PDE11A: variants seen among roughly 807,000 people sequenced by gnomAD.
The protein encoded by PDE11A is dual 3',5'-cyclic-AMP and -GMP phosphodiesterase 11A.
Under a neutral mutation model 100.5 loss-of-function variants are expected in PDE11A, and 100 were observed. The observed-to-expected ratio is 1.00, with a 90% CI of 0.85 to 1.18. The LOEUF (loss-of-function observed/expected upper bound fraction) is 1.18, where lower values mean the gene tolerates loss of function less well. Ranked by LOEUF, PDE11A falls within the 50% of genes most tolerant of loss-of-function variation. The pLI, the probability that PDE11A is intolerant of heterozygous loss-of-function variation, is 0.00. For synonymous variants in PDE11A, 381 were observed against 420.8 expected (o/e 0.91, Z 1.16); for missense variants, 1,141 against 1,152.6 (o/e 0.99, Z 0.15).
chr2:177,888,955 T>A (rs147456326), intron 4 of PDE11A, among the ~76,000 whole-genome samples: 2 of 152,322 alleles, frequency 1.3e-5, no homozygotes, highest in East Asian at 3.9e-4. Flanking sequence ...TATGCTCCAC[T>A]GTTTTTAGCC....
Position 177,758,315 on chromosome 2 carries a change from A to T in PDE11A, c.1788+11008T>A, listed in dbSNP as rs57805449. 3.8e-3 allele frequency among the ~76,000 whole-genome samples: 576 copies of T among 151,862 alleles called. 25 individuals are homozygous for T. In the East Asian group the frequency reaches 0.081, roughly 21 times the overall value. On this transcript the variant is annotated intron_variant, in intron 10 of 19. Transcript: ENST00000286063. The stretch of plus-strand genomic sequence containing the variant: ...CCGTCTCAAAAAAAAAAAAAAAAAA[A>T]AAAAGAATATTCAAAGAACATTCTC...
In PDE11A at chr2:177,820,245, A is replaced by G. The variant is rs1353665367; in HGVS notation, c.1551T>C (p.Ile517=). 1.9e-6 allele frequency: 3 copies of G among 1,585,506 alleles called. No homozygotes were observed. In the South Asian group the frequency reaches 3.3e-5, roughly 18 times the overall value. ...CAATTATTTGGTGGTTGCTATTCCA[A>G]ATAGGGACACAAAGAACAGATCTTA... ...FHIRSVLCVP[I]WNSNHQIIGV... is the part of the protein sequence containing the mutation. Residue 517 remains isoleucine, a synonymous_variant, in exon 7 of 20, where the codon ATT becomes ATC. Coordinates refer to ENST00000286063, the MANE Select transcript of PDE11A (RefSeq NM_016953.4).
intron 1 of PDE11A, among the ~76,000 whole-genome samples, chr2:178,069,410 T>A (rs2087094694): frequency 6.6e-6 from 1 of 151,868 alleles, no homozygotes; most frequent in Admixed American, 6.6e-5. Flanking sequence ...AATACAGAGA[T>A]ACATAAAAGA....
At chr2:177,958,907 G>A (rs1284538050) in intron 2 of PDE11A, among the ~76,000 whole-genome samples, 1 of 152,142 alleles carries the variant, frequency 6.6e-6, no homozygotes, top group Non-Finnish European at 1.5e-5. Flanking sequence ...AAAATTTATT[G>A]AGCCCCTTTT....
chr2:177,944,935 A>G (rs957849418), intron 2 of PDE11A, among the ~76,000 whole-genome samples: 36 of 146,812 alleles, frequency 2.5e-4, no homozygotes, highest in African/African-American at 8.6e-4. Context: ...TCCCTGCCTG[A>G]TTCTCCTGCC....
At chr2:177,837,485 T>A (rs2083423521) in intron 6 of PDE11A, among the ~76,000 whole-genome samples, 1 of 151,760 alleles carries the variant, frequency 6.6e-6, no homozygotes, top group Non-Finnish European at 1.5e-5. Context: ...TCTTTTTTTT[T>A]TTTTTTGAGA....
intron 9 of PDE11A, among the ~76,000 whole-genome samples, chr2:177,785,048 G>C (rs1439656083): frequency 6.6e-6 from 1 of 152,112 alleles, no homozygotes; most frequent in African/African-American, 2.4e-5. Context: ...TGCCAACAAT[G>C]GGGGGCCAGT....
At chr2:178,003,636 GT>G (rs1268988369) in intron 2 of PDE11A, among the ~76,000 whole-genome samples, 2 of 152,070 alleles carry the variant, frequency 1.3e-5, no homozygotes, top group Non-Finnish European at 2.9e-5. Flanking sequence ...TGATGGAAAT[GT>G]TCTAAAATTG....
At chr2:177,847,086 C>T (rs1158981593) in intron 5 of PDE11A, among the ~76,000 whole-genome samples, 1 of 152,156 alleles carries the variant, frequency 6.6e-6, no homozygotes, top group African/African-American at 2.4e-5. Flanking sequence ...CCTTAAGTTA[C>T]TCCTCTTGTG....
intron 2 of PDE11A, among the ~76,000 whole-genome samples, chr2:177,910,664 A>T (rs911782438): frequency 1.3e-5 from 2 of 152,190 alleles, no homozygotes; most frequent in Non-Finnish European, 2.9e-5. Context: ...ATTAATCTTT[A>T]CAACATCCCA....
At chr2:177,925,942 A>T (rs1441978818) in intron 2 of PDE11A, among the ~76,000 whole-genome samples, 1 of 152,226 alleles carries the variant, frequency 6.6e-6, no homozygotes, top group East Asian at 1.9e-4. Flanking sequence ...AGGCTAGCCA[A>T]CTTTTCTCTG....
At chr2:177,800,241 CTCAGTGCAG>C (rs1462983763) in intron 9 of PDE11A, among the ~76,000 whole-genome samples, 1 of 86,410 alleles carries the variant, frequency 1.2e-5, no homozygotes, top group East Asian at 3.1e-4. Context: ...ATGATCATAG[CTCAGTGCAG>C]CCTCGAATTC....
intron 4 of PDE11A, among the ~76,000 whole-genome samples, chr2:177,884,704 A>G (rs1211102236): frequency 6.6e-6 from 1 of 152,218 alleles, no homozygotes; most frequent in Non-Finnish European, 1.5e-5. Context: ...AGGCCAGTGC[A>G]TGTTTAAAAA....
intron 2 of PDE11A, among the ~76,000 whole-genome samples, chr2:178,095,204 C>G (rs1365514009): frequency 6.6e-6 from 1 of 152,124 alleles, no homozygotes; most frequent in Admixed American, 6.5e-5. Context: ...CTCCTATGAG[C>G]CTGTAAAATC....
intron 1 of PDE11A, among the ~76,000 whole-genome samples, chr2:178,067,365 GTCCT>G (rs2087060910): frequency 6.6e-6 from 1 of 152,154 alleles, no homozygotes; most frequent in Admixed American, 6.5e-5. Context: ...GGTGTTCAAA[GTCCT>G]TCCTTCTTTT....
At chr2:177,696,033 G>T (rs1412502545) in intron 15 of PDE11A, among the ~76,000 whole-genome samples, 1 of 152,182 alleles carries the variant, frequency 6.6e-6, no homozygotes, top group Non-Finnish European at 1.5e-5. Flanking sequence ...GTGTTCCAAA[G>T]GGTAATGCGT....
chr2:177,631,586 C>T (rs1296913653), intron 19 of PDE11A, among the ~76,000 whole-genome samples: 1 of 28,388 alleles, frequency 3.5e-5, no homozygotes, highest in African/African-American at 9.6e-5. Context: ...TATATATATA[C>T]ACACACATAT....
At chr2:177,816,227 C>T (rs905787554) in intron 9 of PDE11A, among the ~76,000 whole-genome samples, 17 of 151,902 alleles carry the variant, frequency 1.1e-4, no homozygotes, top group African/African-American at 3.6e-4. Context: ...AAAAAAACAA[C>T]TACAGAGCAG....
At chr2:177,633,877 T>C (rs1013341297) in intron 19 of PDE11A, among the ~76,000 whole-genome samples, 1 of 152,246 alleles carries the variant, frequency 6.6e-6, no homozygotes, top group African/African-American at 2.4e-5. Flanking sequence ...TTATTTTTTT[T>C]AATCCCAGGA....
Sources: allele counts gnomAD v4.1 joint callset (sites outside exome capture counted in the v4.1 genomes callset), GRCh38; gene constraint gnomAD v4.1.1; transcripts MANE v1.5; gene names NCBI Gene and HGNC (gene_info 2026-07-23, HGNC 2026-07-21).